Variants in PGM5 observed in about 807,000 individuals in gnomAD.
PGM5 encodes phosphoglucomutase-like protein 5.
A neutral mutation model predicts 59.2 loss-of-function variants in PGM5; 23 were observed. That is an observed-to-expected ratio of 0.39 (90% CI 0.28 to 0.55). PGM5 has a LOEUF of 0.55. PGM5 is among the 20% of genes least tolerant of loss of function. The pLI is 0.66. For synonymous variants in PGM5, 214 were observed against 286.0 expected, an observed-to-expected ratio of 0.75 and a Z score of 2.54; for missense variants, 574 against 748.3, an observed-to-expected ratio of 0.77 and a Z score of 2.72.
At chr9:68,497,313 G>A (rs1824497437) in intron 9 of PGM5, 1 of 152,138 alleles carries the variant, frequency 6.6e-6, no homozygotes, top group African/African-American at 2.4e-5. Flanking sequence ...TAATCCATAA[G>A]GGCCACACTA....
rs565317800 is a variant in PGM5 at position 68,431,666 on chromosome 9, C to A, written c.1044-33427C>A. On this transcript the variant is annotated intron_variant, in intron 6 of 10. Coordinates refer to ENST00000396396, the MANE Select transcript of PGM5 (RefSeq NM_021965.4). ...GTCTTCTTCTAGAATGATCTTATAA[C>A]AGCTAGAAGGGCAAAATACACTTTT... 4.6e-5 allele frequency among the ~76,000 whole-genome samples: 7 copies of A among 152,302 alleles called. No individual in the cohort carries two copies. The South Asian group carries it at 1.2e-3, about 27-fold the overall frequency.
intron 2 of PGM5, among the ~76,000 whole-genome samples, chr9:68,383,742 A>T (rs1822141404): frequency 4.8e-4 from 1 of 2,066 alleles, no homozygotes; most frequent in Non-Finnish European, 1.3e-3. Flanking sequence ...ATACAAGGTA[A>T]AAAAAAAAAA....
chr9:68,394,406 G>T lies in PGM5; in HGVS notation c.1043+1933G>T, dbSNP rs1822445378. 2 of 152,126 alleles carry T rather than the reference G, an allele frequency of 1.3e-5. 1 individual carries two copies. Among genetic ancestry groups the T allele is most frequent in the South Asian group, 4.1e-4 (2 of 4,828 alleles). The allele number at this position is 152,126 out of a possible 1,614,324, so 9.4% of individuals were successfully genotyped here. On this transcript the variant is annotated intron_variant, in intron 6 of 10. Transcript: ENST00000396396. ...CGCTTGAACCCAGGAGACAGAGGTT[G>T]CAGTGAGCCGATACCATGCCATTGC...
At chr9:68,499,802 A>G (rs1166993578) in intron 10 of PGM5, among the ~76,000 whole-genome samples, 12 of 152,168 alleles carry the variant, frequency 7.9e-5, no homozygotes, top group African/African-American at 2.4e-4. Flanking sequence ...AGATTGCTAC[A>G]TTGTCCACTC....
intron 10 of PGM5, among the ~76,000 whole-genome samples, chr9:68,501,295 T>C (rs1246098918): frequency 2.6e-5 from 4 of 152,226 alleles, no homozygotes; most frequent in African/African-American, 4.8e-5. Flanking sequence ...CCATACATCA[T>C]TGACTCACCA....
chr9:68,465,183 G>C lies in PGM5; in HGVS notation c.1134G>C (p.Leu378=), dbSNP rs782165139. 3 of 1,612,544 alleles carry C rather than the reference G, an allele frequency of 1.9e-6. No homozygotes were observed. The highest frequency in any genetic ancestry group is 1.3e-5 in the African/African-American group (1 of 74,862). ...TGATGGACTCAGGACGTTGCAATCT[G>C]TGTGGGGAAGAGAGCTTTGGCACTG... ...SNLMDSGRCN[L]CGEESFGTGS... Residue 378 remains leucine, a synonymous_variant, in exon 7 of 11, where the codon CTG becomes CTC. Coordinates refer to ENST00000396396, the MANE Select transcript of PGM5 (RefSeq NM_021965.4).
At chr9:68,383,499 G>A (rs1822130337) in intron 2 of PGM5, among the ~76,000 whole-genome samples, 3 of 151,810 alleles carry the variant, frequency 2.0e-5, no homozygotes, top group South Asian at 4.1e-4. Context: ...ACAGCTAAAT[G>A]TGACAAGTAA....
At chr9:68,478,502 G>A (rs782510941) in intron 7 of PGM5, among the ~76,000 whole-genome samples, 7 of 152,150 alleles carry the variant, frequency 4.6e-5, no homozygotes, top group Non-Finnish European at 8.8e-5. Context: ...CCACCAACTG[G>A]GTGGCTTAAA....
intron 6 of PGM5, among the ~76,000 whole-genome samples, chr9:68,456,000 C>A (rs1038701311): frequency 1.1e-4 from 16 of 152,138 alleles, no homozygotes; most frequent in South Asian, 2.1e-4. Flanking sequence ...TTGTCTAGTG[C>A]CTTTCTGATG....
At chr9:68,526,753 T>A (rs975953986) in intron 10 of PGM5, among the ~76,000 whole-genome samples, 1 of 152,238 alleles carries the variant, frequency 6.6e-6, no homozygotes, top group Non-Finnish European at 1.5e-5. Context: ...CCTAATATTT[T>A]GTAGTATCTC....
At chr9:68,367,089 G>A (rs184859150) in intron 1 of PGM5, among the ~76,000 whole-genome samples, 28 of 152,116 alleles carry the variant, frequency 1.8e-4, no homozygotes, top group Middle Eastern at 6.8e-3. Context: ...ATTTGTATGC[G>A]TACTCACACT....
chr9:68,458,051 A>G (rs1305408717), intron 6 of PGM5, among the ~76,000 whole-genome samples: 1 of 152,210 alleles, frequency 6.6e-6, no homozygotes, highest in Non-Finnish European at 1.5e-5. Context: ...AGAGCCAGGA[A>G]CAGCTTACAT....
intron 6 of PGM5, chr9:68,464,663 G>A (rs569847933): frequency 6.3e-6 from 1 of 158,326 alleles, no homozygotes; most frequent in East Asian, 1.9e-4. Flanking sequence ...GTGTCTAAGG[G>A]GTAGTAGGTG....
At chr9:68,425,892 G>A (rs1823228595) in intron 6 of PGM5, among the ~76,000 whole-genome samples, 2 of 152,040 alleles carry the variant, frequency 1.3e-5, no homozygotes, top group African/African-American at 2.4e-5. Context: ...TGTATCGAAA[G>A]TACACTAGAT....
chr9:68,391,632 C>T lies in PGM5; in HGVS notation c.796C>T (p.His266Tyr). ...TCCCCTGGAAGACTTTGGAGGGCAG[C>T]ACCCTGACCCAAACCTGACATATGC... ...CVPLEDFGGQ[H>Y]PDPNLTYATT... Residue 266 changes from histidine (H) to tyrosine (Y), a missense_variant, in exon 5 of 11, where the codon CAC (histidine) becomes TAC (tyrosine). Transcript: ENST00000396396. 1 of 1,613,354 alleles carries T rather than the reference C, an allele frequency of 6.2e-7. No homozygotes were observed. Among genetic ancestry groups the T allele is most frequent in the Non-Finnish European group, 8.5e-7 (1 of 1,179,470 alleles).
chr9:68,501,702 C>G lies in PGM5; in HGVS notation c.1614+2341C>G, dbSNP rs545717253. 1.2e-3 allele frequency among the ~76,000 whole-genome samples: 176 copies of G among 152,330 alleles called. 1 individual carries two copies. The South Asian group carries it at 0.035, about 30-fold the overall frequency. Reference sequence around the variant, plus strand: ...CATTGCTGATCTTGTTCCAATTCAACAGGTAGTTTTTGATGTTTTACCCAC... The same window carrying G: ...CATTGCTGATCTTGTTCCAATTCAAGAGGTAGTTTTTGATGTTTTACCCAC... On this transcript the variant is annotated intron_variant, in intron 10 of 10. Coordinates refer to ENST00000396396, the MANE Select transcript of PGM5 (RefSeq NM_021965.4).
In PGM5 at chr9:68,442,425, G is replaced by A. The variant is rs533047997; in HGVS notation, c.1044-22668G>A. Reference sequence around the variant, plus strand: ...TCAGCAGGAGCCACCACCATGCCCAGCTAATTTTTGTATTTTTAATAGAGA... The same window carrying A: ...TCAGCAGGAGCCACCACCATGCCCAACTAATTTTTGTATTTTTAATAGAGA... On this transcript the variant is annotated intron_variant, in intron 6 of 10. Transcript: ENST00000396396. Among the ~76,000 whole-genome samples, 3 of 152,248 alleles carry A rather than the reference G, an allele frequency of 2.0e-5. No individual in the cohort carries two copies. In the East Asian group the frequency reaches 5.8e-4, roughly 29 times the overall value.
intron 1 of PGM5, among the ~76,000 whole-genome samples, chr9:68,372,904 C>T (rs543007659): frequency 2.4e-4 from 36 of 152,276 alleles, no homozygotes; most frequent in African/African-American, 6.0e-4. Flanking sequence ...ACACACTTAT[C>T]GTCAAGGGCA....
chr9:68,423,102 A>T (rs1253027131), intron 6 of PGM5, among the ~76,000 whole-genome samples: 1 of 152,104 alleles, frequency 6.6e-6, no homozygotes, highest in African/African-American at 2.4e-5. Context: ...TATATACCAC[A>T]GTTTCTTTAT....
Sources: gnomAD v4.1 joint callset for allele counts (sites outside exome capture counted in the v4.1 genomes callset) on GRCh38, gnomAD v4.1.1 for gene constraint, MANE v1.5 for transcripts, NCBI Gene and HGNC (gene_info 2026-07-23, HGNC 2026-07-21) for gene names.